Variants in ADGRE5 observed in about 807,000 individuals in gnomAD.
ADGRE5 encodes the protein CD97 molecule.
ADGRE5 carries 72 observed loss-of-function variants against 100.3 expected under a neutral mutation model. The observed-to-expected ratio is 0.72, with a 90% confidence interval of 0.59 to 0.87. The LOEUF (loss-of-function observed/expected upper bound fraction) is 0.87. ADGRE5 is among the 40% of genes least tolerant of loss of function. The pLI is 0.00. For synonymous variants in ADGRE5, 439 were observed against 447.8 expected (o/e 0.98, Z 0.25); for missense variants, 959 against 1,094.7 (o/e 0.88, Z 1.75).
rs974586014 is a variant in ADGRE5, at chr19:14,406,258, A to T, written c.1822-73A>T. 8.2e-7 allele frequency: 1 copy of T among 1,214,832 alleles called. No individual in the cohort carries two copies. Among genetic ancestry groups the T allele is most frequent in the Non-Finnish European group, 1.1e-6 (1 of 879,236 alleles). 75.3% of individuals were successfully genotyped at this position (1,214,832 alleles called of 1,614,324 possible). On this transcript the variant is annotated intron_variant, in intron 14 of 19. Coordinates refer to ENST00000242786, the MANE Select transcript of ADGRE5 (RefSeq NM_078481.4). This position sits in a 1 kb window ranked among gnomAD's most constrained non-coding sequence, Gnocchi z 6.0. The stretch of plus-strand genomic sequence containing the variant: ...GTCCCGCCCACTCTCGGGACCTGGC[A>T]GGCGACTGGCTCTGGCGCCGCATGC...
intron 18 of ADGRE5, 140 bp downstream of exon 18, chr19:14,407,369 A>G: frequency 2.0e-6 from 2 of 999,492 alleles, no homozygotes; most frequent in Non-Finnish European, 2.9e-6. Context: ...AAAAAATTCA[A>G]AGATAGCCAG....
chr19:14,400,697 C>T (rs1054736048), intron 9 of ADGRE5, among the ~76,000 whole-genome samples: 62 of 151,824 alleles, frequency 4.1e-4, no homozygotes, highest in African/African-American at 1.2e-4. Flanking sequence ...GAGGCTGAGG[C>T]GGGAGAATCA....
intron 9 of ADGRE5, among the ~76,000 whole-genome samples, chr19:14,400,920 G>T (rs1975982745): frequency 1.3e-5 from 2 of 152,050 alleles, no homozygotes; most frequent in Admixed American, 6.6e-5. Flanking sequence ...ACTCCAGCCT[G>T]GGTGACAAGA....
rs759903607 is a variant in ADGRE5, at chr19:14,402,617, C to A, written c.1204C>A (p.Leu402Ile). The A allele has an allele frequency of 6.2e-7, 1 of 1,613,976 alleles. No individual in the cohort carries two copies. Among genetic ancestry groups the A allele is most frequent in the Non-Finnish European group, 8.5e-7 (1 of 1,180,008 alleles). Residue 402 changes from leucine (L) to isoleucine (I), a missense_variant, in exon 12 of 20, where the codon CTC becomes ATC. Leu to Ile is a conservative substitution (Grantham distance 5). Coordinates refer to ENST00000242786, the MANE Select transcript of ADGRE5 (RefSeq NM_078481.4). ...EDPGPAVAGI[L>I]SIQNMTTLLA... Reference sequence around the variant, plus strand: ...CCCAGGCCCCGCCGTGGCGGGCATCCTCTCCATCCAGAACATGACGACATT... The same window carrying A: ...CCCAGGCCCCGCCGTGGCGGGCATCATCTCCATCCAGAACATGACGACATT...
intron 1 of ADGRE5, among the ~76,000 whole-genome samples, chr19:14,383,277 A>G (rs765902320): frequency 7.9e-5 from 12 of 151,906 alleles, no homozygotes; most frequent in Non-Finnish European, 1.3e-4. Context: ...GGCCCAGGCC[A>G]GCAGATCACC....
In ADGRE5 at chr19:14,388,833, GGGCAGC is replaced by G; in HGVS notation, c.190+17_190+22del. ...GACTTGTGACGGTACAGAGGCTTGA[GGGCAGC>G]GCAGGGGACATCCGCGATTATGAGG... On this transcript the variant is annotated intron_variant, in intron 3 of 19. Coordinates refer to ENST00000242786, the MANE Select transcript of ADGRE5 (RefSeq NM_078481.4). 6.2e-7 allele frequency: 1 copy of G among 1,608,778 alleles called. No individual in the cohort carries two copies. Among genetic ancestry groups the G allele is most frequent in the South Asian group, 1.1e-5 (1 of 90,920 alleles).
intron 11 of ADGRE5, among the ~76,000 whole-genome samples, chr19:14,402,317 C>T (rs901080980): frequency 3.3e-5 from 5 of 151,892 alleles, no homozygotes; most frequent in African/African-American, 1.2e-4. Context: ...TGCCTATAAT[C>T]CCAGCTACTT....
chr19:14,384,928 G>A (rs1349888146), intron 1 of ADGRE5, among the ~76,000 whole-genome samples: 3 of 138,184 alleles, frequency 2.2e-5, no homozygotes, highest in South Asian at 2.4e-4. Flanking sequence ...CTCTGTCTCC[G>A]TCTCTGTCCC....
In ADGRE5 at chr19:14,406,582, AG is replaced by A. The variant is rs1976250663; in HGVS notation, c.2048+27del. 6.2e-7 allele frequency: 1 copy of A among 1,606,118 alleles called. No individual in the cohort carries two copies. Among genetic ancestry groups the A allele is most frequent in the Non-Finnish European group, 8.5e-7 (1 of 1,175,514 alleles). On this transcript the variant is annotated intron_variant, in intron 15 of 19. Coordinates refer to ENST00000242786, the MANE Select transcript of ADGRE5 (RefSeq NM_078481.4). The surrounding 1 kb of genome is among the most constrained non-coding windows in gnomAD (Gnocchi z 6.0). ...AGTGAGTGCAGCGAGATGGGGCAGG[AG>A]GAAGGCGGGGTGCTGGGCCTGGGGC...
At chr19:14,386,627 G>A (rs1286925569) in intron 1 of ADGRE5, among the ~76,000 whole-genome samples, 1 of 149,730 alleles carries the variant, frequency 6.7e-6, no homozygotes, top group Non-Finnish European at 1.5e-5. Flanking sequence ...CCGGGAGGCG[G>A]AGCTTGCAGT....
chr19:14,398,305 C>T (rs891314277), intron 9 of ADGRE5, 166 bp downstream of exon 9: 13 of 643,332 alleles, frequency 2.0e-5, no homozygotes, highest in Admixed American at 7.7e-5. Flanking sequence ...CATACACACC[C>T]GGACACGTGA....
At position 14,404,547 on chromosome 19, in the gene ADGRE5, T is replaced by C. The variant is rs945349486; in HGVS notation, c.1614T>C (p.Ala538=). The C allele has an allele frequency of 1.1e-5, 17 of 1,612,816 alleles. No individual in the cohort carries two copies. The highest frequency in any genetic ancestry group is 1.4e-5 in the Non-Finnish European group (17 of 1,179,574). The change falls in exon 13 of 20, where the codon GCT becomes GCC. Residue 538 remains alanine, a synonymous_variant. Transcript: ENST00000242786. ...TGAGCAGCTTTGCGATCCTTATGGC[T>C]CATTATGACGTGGAGGTAAGTAGCT... ...SHLSSFAILM[A]HYDVEDWKLT...
Position 14,405,868 on chromosome 19 carries a change from C to G in ADGRE5, c.1750C>G (p.Leu584Val), listed in dbSNP as rs759694751. The G allele has an allele frequency of 9.9e-6, 16 of 1,612,890 alleles. 1 individual carries two copies. The highest frequency in any genetic ancestry group is 1.1e-5 in the Non-Finnish European group (13 of 1,180,002). The change falls in exon 14 of 20, where the codon CTG (leucine) becomes GTG (valine). Residue 584 changes from leucine (L) to valine (V), a missense_variant. Physicochemically the swap from Leu to Val is conservative, Grantham distance 32 (BLOSUM62 1). Coordinates refer to ENST00000242786, the MANE Select transcript of ADGRE5 (RefSeq NM_078481.4). ...CCAGGGCTCGCGCACCACCATACAC[C>G]TGCACCTCTGCATCTGCCTCTTCGT... is the stretch of plus-strand genomic sequence containing the variant. ...PIQGSRTTIH[L>V]HLCICLFVGS...
chr19:14,406,629 A>G lies in ADGRE5; in HGVS notation c.2049-71A>G. On this transcript the variant is annotated intron_variant, in intron 15 of 19. Coordinates refer to ENST00000242786, the MANE Select transcript of ADGRE5 (RefSeq NM_078481.4). This position sits in a 1 kb window ranked among gnomAD's most constrained non-coding sequence, Gnocchi z 6.0. ...GGGGCTCACAGGCAGTGCCACACAC[A>G]ATGTCCGGCCGCCCTCCGTTCCGCT... The G allele has an allele frequency of 6.2e-7, 1 of 1,601,512 alleles. No individual in the cohort carries two copies. Among genetic ancestry groups the G allele is most frequent in the Non-Finnish European group, 8.6e-7 (1 of 1,168,896 alleles).
At position 14,405,851 on chromosome 19, in the gene ADGRE5, C is replaced by T. The variant is rs1299093265; in HGVS notation, c.1733C>T (p.Ser578Leu). The T allele has an allele frequency of 6.2e-7, 1 of 1,613,198 alleles. No individual in the cohort carries two copies. Among genetic ancestry groups the T allele is most frequent in the Non-Finnish European group, 8.5e-7 (1 of 1,179,968 alleles). ...TFLLVRPIQG[S>L]RTTIHLHLCI... ...CTGCTGGTGCGGCCCATCCAGGGCT[C>T]GCGCACCACCATACACCTGCACCTC... Residue 578 changes from serine (S) to leucine (L), a missense_variant, in exon 14 of 20, where the codon TCG (serine) becomes TTG (leucine). Transcript: ENST00000242786.
intron 3 of ADGRE5, among the ~76,000 whole-genome samples, chr19:14,390,597 T>G (rs1975567121): frequency 6.6e-6 from 1 of 152,112 alleles, no homozygotes; most frequent in Admixed American, 6.6e-5. Context: ...ATGCTGGGAT[T>G]ACAGGCGTGA....
intron 12 of ADGRE5, among the ~76,000 whole-genome samples, 172 bp downstream of exon 12, chr19:14,403,034 A>T (rs1298858612): frequency 3.3e-5 from 5 of 151,828 alleles, no homozygotes; most frequent in African/African-American, 7.3e-5. Context: ...TTATTTATTT[A>T]ATTTAATTAA....
chr19:14,396,190 A>C (rs1255763026), intron 4 of ADGRE5, 152 bp from the exon 5 acceptor site: 1 of 1,420,838 alleles, frequency 7.0e-7, no homozygotes, highest in Non-Finnish European at 9.6e-7. Flanking sequence ...CTGAGCCACC[A>C]CCCTCACCAT....
chr19:14,407,975 C>A lies in ADGRE5; in HGVS notation c.2444C>A (p.Ser815Tyr). 6.2e-7 allele frequency: 1 copy of A among 1,614,142 alleles called. No individual in the cohort carries two copies. Among genetic ancestry groups the A allele is most frequent in the Non-Finnish European group, 8.5e-7 (1 of 1,180,024 alleles). ...AGGSKYSEFT[S>Y]TTSGTGHNQT... Reference sequence around the variant, plus strand: ...GGGAGCAAGTACTCAGAATTCACCTCCACCACGTCTGGCACTGGCCACAAT... The same window carrying A: ...GGGAGCAAGTACTCAGAATTCACCTACACCACGTCTGGCACTGGCCACAAT... Residue 815 changes from serine to tyrosine, a missense_variant, in exon 19 of 20, where the codon TCC becomes TAC. Physicochemically the swap from Ser to Tyr is moderately radical, Grantham distance 144 (BLOSUM62 -2). Coordinates refer to ENST00000242786, the MANE Select transcript of ADGRE5 (RefSeq NM_078481.4).
Sources: gnomAD v4.1 joint callset for allele counts (sites outside exome capture counted in the v4.1 genomes callset) on GRCh38, gnomAD v4.1.1 for gene constraint, Gnocchi (gnomAD v3.1) non-coding constraint, MANE v1.5 for transcripts, NCBI Gene and HGNC (gene_info 2026-07-23, HGNC 2026-07-21) for gene names.